The following MAL2 variants were observed in gnomAD, a reference collection of about 807,000 sequenced individuals.
MAL2 encodes the protein mal, T cell differentiation protein 2, also known as protein MAL2.
MAL2 carries 17 observed loss-of-function variants against 18.1 expected under a neutral mutation model. That is an observed-to-expected ratio of 0.94 (90% CI 0.64 to 1.41). The LOEUF (loss-of-function observed/expected upper bound fraction) is 1.41. Ranked by LOEUF, MAL2 falls within the 40% of genes most tolerant of loss-of-function variation. MAL2 has a pLI of 0.00. For synonymous variants in MAL2, 102 were observed against 102.3 expected, an observed-to-expected ratio of 1.00 and a Z score of 0.02; for missense variants, 222 against 231.9, an observed-to-expected ratio of 0.96 and a Z score of 0.28.
At chr8:119,224,749 G>A (rs1156509691) in intron 2 of MAL2, among the ~76,000 whole-genome samples, 2 of 151,906 alleles carry the variant, frequency 1.3e-5, no homozygotes, top group African/African-American at 4.8e-5. Flanking sequence ...GTATGCCTTT[G>A]CATGCCCATG....
chr8:119,233,728 G>C (rs1300332155), intron 2 of MAL2, among the ~76,000 whole-genome samples: 1 of 151,912 alleles, frequency 6.6e-6, no homozygotes, highest in South Asian at 2.1e-4. Context: ...TGGATTCACA[G>C]CCGAATTCTA....
intron 1 of MAL2, among the ~76,000 whole-genome samples, chr8:119,219,645 T>C (rs1817431423): frequency 6.6e-6 from 1 of 152,100 alleles, no homozygotes; most frequent in Admixed American, 6.6e-5. Flanking sequence ...GGTTTTGTGC[T>C]GCCAAATCTA....
intron 1 of MAL2, among the ~76,000 whole-genome samples, chr8:119,209,366 C>T (rs1345518550): frequency 6.6e-6 from 1 of 152,122 alleles, no homozygotes; most frequent in East Asian, 1.9e-4. Context: ...CTTTGTTGGG[C>T]CCAAGTAAAG....
In MAL2 at chr8:119,221,347, A is replaced by C. The variant is rs552927313; in HGVS notation, c.133-240A>C. On this transcript the variant is annotated intron_variant, in intron 1 of 3. Transcript: ENST00000614891. ...GTACATGGGTTGAAGAAGCGAGTCC[A>C]ACCTGAAGATACAGGTGTGGAGTTG... 467 of 455,056 alleles carry C rather than the reference A, an allele frequency of 1.0e-3. 1 individual carries two copies. The highest frequency in any genetic ancestry group is 3.9e-3 in the African/African-American group (204 of 51,870). The allele number at this position is 455,056 out of a possible 1,614,324, so 28.2% of individuals were successfully genotyped here.
chr8:119,238,525 A>G (rs1303541690), intron 2 of MAL2, among the ~76,000 whole-genome samples: 5 of 151,036 alleles, frequency 3.3e-5, no homozygotes, highest in South Asian at 2.1e-4. Context: ...ACTTCAAACT[A>G]TACTACAAGG....
intron 1 of MAL2, among the ~76,000 whole-genome samples, chr8:119,219,353 G>C (rs1454689613): frequency 6.6e-6 from 1 of 152,146 alleles, no homozygotes. Context: ...TAAAACTTGT[G>C]TTTTTAACTT....
Position 119,237,544 on chromosome 8 carries a change from A to T in MAL2, c.304-2621A>T, listed in dbSNP as rs1387572730. 6.7e-4 allele frequency among the ~76,000 whole-genome samples: 100 copies of T among 149,954 alleles called. 1 individual carries two copies. Among genetic ancestry groups the T allele is most frequent in the African/African-American group, 1.9e-3 (73 of 39,302 alleles). On this transcript the variant is annotated intron_variant, in intron 2 of 3. Transcript: ENST00000614891. The stretch of plus-strand genomic sequence containing the variant: ...CATTGATGCAAAAATCGTCAATAAA[A>T]TACTGGCAAAACGAATCCAGCAGCA...
At chr8:119,237,382 C>T (rs998161939) in intron 2 of MAL2, among the ~76,000 whole-genome samples, 8 of 151,764 alleles carry the variant, frequency 5.3e-5, no homozygotes, top group Admixed American at 1.3e-4. Flanking sequence ...GGTACCATTC[C>T]TTCTGCAACT....
At chr8:119,228,839 G>A (rs1207073248) in intron 2 of MAL2, among the ~76,000 whole-genome samples, 2 of 152,146 alleles carry the variant, frequency 1.3e-5, no homozygotes, top group Admixed American at 6.5e-5. Context: ...TTGCCCTCCA[G>A]GAAGGTAGAA....
intron 2 of MAL2, among the ~76,000 whole-genome samples, chr8:119,228,972 A>G (rs182381106): frequency 6.6e-6 from 1 of 152,210 alleles, no homozygotes; most frequent in East Asian, 1.9e-4. Context: ...CAGTGGGTAG[A>G]TCAGCTTTGG....
intron 1 of MAL2, among the ~76,000 whole-genome samples, chr8:119,216,036 G>A (rs960117421): frequency 6.6e-6 from 1 of 151,726 alleles, no homozygotes; most frequent in Non-Finnish European, 1.5e-5. Flanking sequence ...TGAATATACT[G>A]AACACTTCTA....
rs1275588704 is a variant in MAL2 at position 119,244,351 on chromosome 8, T to A, written c.*863T>A. The A allele has an allele frequency of 6.6e-6, 1 of 152,148 alleles. No individual in the cohort carries two copies. The highest frequency in any genetic ancestry group is 1.5e-5 in the Non-Finnish European group (1 of 68,018). The allele number at this position is 152,148 out of a possible 1,614,324, so 9.4% of individuals were successfully genotyped here. A position where few individuals can be genotyped will look rare whatever the true frequency, so the allele number is the denominator to read the frequency against. The stretch of plus-strand genomic sequence containing the variant: ...GAGTCCTGGATATAGGAAAAAGTAA[T>A]TTATGAAGTAAACTTCAGTTGCTTA... On this transcript the variant is annotated 3_prime_UTR_variant, in exon 4 of 4. Transcript: ENST00000614891.
intron 2 of MAL2, among the ~76,000 whole-genome samples, chr8:119,237,904 T>C (rs540087665): frequency 1.1e-4 from 17 of 152,266 alleles, no homozygotes; most frequent in Admixed American, 5.2e-4. Flanking sequence ...TCTCTCACCA[T>C]TCCTATTCAA....
At chr8:119,210,371 G>A (rs1355085764) in intron 1 of MAL2, among the ~76,000 whole-genome samples, 3 of 152,064 alleles carry the variant, frequency 2.0e-5, no homozygotes, top group Non-Finnish European at 1.5e-5. Flanking sequence ...AATTCTGGGG[G>A]AAAAGAATAG....
intron 2 of MAL2, among the ~76,000 whole-genome samples, chr8:119,231,399 C>T (rs117325692): frequency 1.3e-5 from 2 of 152,276 alleles, no homozygotes; most frequent in East Asian, 1.9e-4. Context: ...CAGTGCAATG[C>T]TCTCCTTTGT....
At chr8:119,242,841 A>T (rs1818074366) in intron 3 of MAL2, among the ~76,000 whole-genome samples, 3 of 152,238 alleles carry the variant, frequency 2.0e-5, no homozygotes, top group Admixed American at 2.0e-4. Context: ...ATATGTACCA[A>T]GTATAGTGAT....
At chr8:119,213,634 C>T (rs1394067038) in intron 1 of MAL2, among the ~76,000 whole-genome samples, 1 of 152,100 alleles carries the variant, frequency 6.6e-6, no homozygotes, top group Non-Finnish European at 1.5e-5. Flanking sequence ...GCCTGACCAA[C>T]ATGGTGAAAC....
Position 119,240,638 on chromosome 8 carries a change from G to A in MAL2, c.459+318G>A, listed in dbSNP as rs902560704. On this transcript the variant is annotated intron_variant, in intron 3 of 3. Coordinates refer to ENST00000614891, the MANE Select transcript of MAL2 (RefSeq NM_052886.3). ...TTTTTTGCTTCTGATAACTTTCAGA[G>A]ATGGTAAAGGAGATTTCCAGTTTTG... 2.0e-5 allele frequency among the ~76,000 whole-genome samples: 3 copies of A among 152,212 alleles called. No homozygotes were observed. The South Asian group carries it at 6.2e-4, about 31-fold the overall frequency.
intron 2 of MAL2, among the ~76,000 whole-genome samples, chr8:119,231,631 C>G (rs1460032908): frequency 6.6e-6 from 1 of 152,162 alleles, no homozygotes; most frequent in Non-Finnish European, 1.5e-5. Context: ...AGTGAGATAT[C>G]TGCATTCTCA....
Sources: allele counts gnomAD v4.1 joint callset (sites outside exome capture counted in the v4.1 genomes callset), GRCh38; gene constraint gnomAD v4.1.1; transcripts MANE v1.5; gene names NCBI Gene and HGNC (gene_info 2026-07-23, HGNC 2026-07-21).